CSPP1: variants seen among roughly 807,000 people sequenced by gnomAD.
The protein encoded by CSPP1 is centrosome and spindle pole-associated protein 1.
CSPP1 carries 126 observed loss-of-function variants against 164.4 expected under a neutral mutation model. That is an observed-to-expected ratio of 0.77 (90% CI 0.66 to 0.89). The LOEUF (loss-of-function observed/expected upper bound fraction) is 0.89, where lower values mean the gene tolerates loss of function less well. Among genes scored for constraint, CSPP1 ranks in the 40% least tolerant of loss-of-function variants. The pLI is 0.00. For synonymous variants in CSPP1, 472 were observed against 476.7 expected, an observed-to-expected ratio of 0.99 and a Z score of 0.13; for missense variants, 1,395 against 1,449.8, an observed-to-expected ratio of 0.96 and a Z score of 0.61.
At chr8:67,126,986 T>C (rs778798979) in intron 15 of CSPP1, among the ~76,000 whole-genome samples, 2 of 151,948 alleles carry the variant, frequency 1.3e-5, no homozygotes, top group Admixed American at 6.6e-5. Flanking sequence ...TTTTGGGGAA[T>C]TCCAGACCTA....
chr8:67,069,458 ATAAT>A (rs1450270681), intron 1 of CSPP1, among the ~76,000 whole-genome samples: 3 of 152,192 alleles, frequency 2.0e-5, no homozygotes, highest in Admixed American at 2.0e-4. Context: ...ATAATGTTAA[ATAAT>A]TACAGTAAAG....
At chr8:67,146,414 C>T (rs562418244) in intron 17 of CSPP1, among the ~76,000 whole-genome samples, 20 of 152,150 alleles carry the variant, frequency 1.3e-4, no homozygotes, top group African/African-American at 2.4e-4. Flanking sequence ...TGAGCCACTG[C>T]GCCCAGCTGG....
intron 30 of CSPP1, among the ~76,000 whole-genome samples, chr8:67,194,351 G>GTTAA (rs1432169032): frequency 6.6e-6 from 1 of 152,148 alleles, no homozygotes; most frequent in African/African-American, 2.4e-5. Context: ...TTAATACTGT[G>GTTAA]TTAATTTAAA....
At chr8:67,138,622 A>G (rs1822849496) in intron 17 of CSPP1, among the ~76,000 whole-genome samples, 1 of 152,028 alleles carries the variant, frequency 6.6e-6, no homozygotes. Flanking sequence ...TCAAAGATAC[A>G]CACTTCATGT....
At position 67,159,957 on chromosome 8, in the gene CSPP1, C is replaced by CTTTCT. The variant is rs758860786; in HGVS notation, c.2538+894_2538+898dup. Among the ~76,000 whole-genome samples, 40 of 20,002 alleles carry CTTTCT rather than the reference C, an allele frequency of 2.0e-3. 2 individuals carry two copies. The highest frequency in any genetic ancestry group is 2.7e-3 in the Non-Finnish European group (30 of 11,194). 13.1% of individuals were successfully genotyped at this position (20,002 alleles called of 152,430 possible). ...TCCTTCCTTCCTTCCTTCCTTCCTT[C>CTTTCT]TTTCTTTTCTTTTCTTTTCTTTTCT... On this transcript the variant is annotated intron_variant, in intron 21 of 30. Transcript: ENST00000678616.
chr8:67,115,970 A>C lies in CSPP1; in HGVS notation c.1344A>C (p.Pro448=). ...VAPRHFEEMI[P]PERPRIAFQT... is the part of the protein sequence containing the mutation. ...CAAGACACTTTGAAGAGATGATACCACCTGAAAGACCCAGAATAGCTTTCC... is the reference window on the plus strand; with the variant it reads ...CAAGACACTTTGAAGAGATGATACCCCCTGAAAGACCCAGAATAGCTTTCC... Residue 448 remains proline, a synonymous_variant, in exon 13 of 31, where the codon CCA becomes CCC. Transcript: ENST00000678616. 1 of 1,613,880 alleles carries C rather than the reference A, an allele frequency of 6.2e-7. No homozygotes were observed. Among genetic ancestry groups the C allele is most frequent in the Non-Finnish European group, 8.5e-7 (1 of 1,179,936 alleles).
Position 67,064,554 on chromosome 8 carries a change from G to T in CSPP1, c.-11+16G>T. 2 of 1,594,604 alleles carry T rather than the reference G, an allele frequency of 1.3e-6. No individual in the cohort carries two copies. The highest frequency in any genetic ancestry group is 1.3e-5 in the African/African-American group (1 of 74,916). ...GAGTGGCGAGGTGTGGCCTGGGGTG[G>T]TGTAGGTTGAGGGTGGAGGGTCCTG... On this transcript the variant is annotated intron_variant, in intron 1 of 30. Transcript: ENST00000678616.
At chr8:67,179,967 T>C in intron 28 of CSPP1, 41 bp downstream of exon 28, 2 of 1,163,162 alleles carry the variant, frequency 1.7e-6, no homozygotes, top group South Asian at 1.3e-5. Flanking sequence ...TGTTTAAATA[T>C]TAAACCTTTC....
In CSPP1 at chr8:67,193,506, A is replaced by C; in HGVS notation, c.3373A>C (p.Lys1125Gln). 6.2e-7 allele frequency: 1 copy of C among 1,613,460 alleles called. No homozygotes were observed. The highest frequency in any genetic ancestry group is 8.5e-7 in the Non-Finnish European group (1 of 1,179,334). Residue 1125 changes from lysine (K) to glutamine (Q), a missense_variant, in exon 30 of 31, where the codon AAA (lysine) becomes CAA (glutamine). By Grantham distance (53) the Lys-to-Gln change is moderately conservative (BLOSUM62 1). Transcript: ENST00000678616. ...TGTAGCACCAGATGGTCTCTCTCTAAAATCTATATCCAGTGTAAATGTTGA... is the reference window on the plus strand; with the variant it reads ...TGTAGCACCAGATGGTCTCTCTCTACAATCTATATCCAGTGTAAATGTTGA... ...PNVAPDGLSL[K>Q]SISSVNVDEL...
At chr8:67,103,839 CAAA>C (rs757419585) in intron 8 of CSPP1, among the ~76,000 whole-genome samples, 2,014 of 59,676 alleles carry the variant, frequency 0.034, 31 homozygotes, top group South Asian at 0.095. Flanking sequence ...GACTCCCTCT[CAAA>C]AAAAAAAAAA....
At chr8:67,096,929 T>A (rs189069119) in intron 7 of CSPP1, among the ~76,000 whole-genome samples, 1 of 152,296 alleles carries the variant, frequency 6.6e-6, no homozygotes, top group Non-Finnish European at 1.5e-5. Context: ...TTAAAATAGA[T>A]GAAATACAAT....
rs759406937 is a variant in CSPP1 at position 67,131,977 on chromosome 8, A to G, written c.1724A>G (p.Lys575Arg). ...AATACGGTTGGACAGAATGAACTGA[A>G]GATTACAAGTGATCAAGTGATAAAT... ...VVNTVGQNEL[K>R]ITSDQVINSG... is the part of the protein sequence containing the mutation. Residue 575 changes from lysine (K) to arginine (R), a missense_variant, in exon 16 of 31, where the codon AAG becomes AGG. Physicochemically the swap from Lys to Arg is conservative, Grantham distance 26. Transcript: ENST00000678616. The G allele has an allele frequency of 2.0e-5, 33 of 1,611,912 alleles. No homozygotes were observed. The highest frequency in any genetic ancestry group is 2.7e-5 in the Non-Finnish European group (32 of 1,178,884).
chr8:67,118,445 A>G, intron 14 of CSPP1, 76 bp downstream of exon 14: 1 of 1,441,948 alleles, frequency 6.9e-7, no homozygotes, highest in Non-Finnish European at 9.7e-7. Context: ...GTAAACAAAA[A>G]ATATCTAAAT....
intron 23 of CSPP1, among the ~76,000 whole-genome samples, 169 bp downstream of exon 23, chr8:67,163,967 A>C (rs780529095): frequency 1.3e-5 from 2 of 152,228 alleles, no homozygotes; most frequent in African/African-American, 2.4e-5. Context: ...GTATAGTCTC[A>C]TAGCCAGGAA....
chr8:67,107,040 ATGTTT>A (rs968995699), intron 9 of CSPP1, among the ~76,000 whole-genome samples: 1 of 148,762 alleles, frequency 6.7e-6, no homozygotes, highest in Non-Finnish European at 1.5e-5. Flanking sequence ...CTATATTCTT[ATGTTT>A]TGTTTTTTTT....
rs759877480 is a variant in CSPP1 at position 67,091,860 on chromosome 8, A to G, written c.361A>G (p.Ile121Val). The G allele has an allele frequency of 3.7e-6, 5 of 1,348,168 alleles. No homozygotes were observed. In the Admixed American group the frequency reaches 6.0e-5, roughly 16 times the overall value. 83.5% of individuals were successfully genotyped at this position (1,348,168 alleles called of 1,614,324 possible). Residue 121 changes from isoleucine (I) to valine (V), a missense_variant, in exon 5 of 31, where the codon ATT (isoleucine) becomes GTT (valine). Physicochemically the swap from Ile to Val is conservative, Grantham distance 29 (BLOSUM62 3). Transcript: ENST00000678616. The stretch of plus-strand genomic sequence containing the variant: ...ATCTACTTTGGGAGTTTCTCTTCCT[A>G]TTGGTGAGAGGTTATCTGCTAAGGT... ...DPSTLGVSLP[I>V]GERLSAKERL...
chr8:67,113,919 T>C (rs1384557375), intron 11 of CSPP1, 57 bp downstream of exon 11: 1 of 984,190 alleles, frequency 1.0e-6, no homozygotes, highest in Non-Finnish European at 1.6e-6. Flanking sequence ...TCCTCAAATG[T>C]GGTGGCAGGT....
At chr8:67,145,800 G>A (rs923109998) in intron 17 of CSPP1, among the ~76,000 whole-genome samples, 2 of 151,994 alleles carry the variant, frequency 1.3e-5, no homozygotes, top group Admixed American at 6.6e-5. Context: ...TGGGATTACA[G>A]GCATGAGCCA....
At position 67,158,540 on chromosome 8, in the gene CSPP1, C is replaced by G; in HGVS notation, c.2335C>G (p.Arg779Gly). 2 of 1,610,486 alleles carry G rather than the reference C, an allele frequency of 1.2e-6. No individual in the cohort carries two copies. Among genetic ancestry groups the G allele is most frequent in the Non-Finnish European group, 1.7e-6 (2 of 1,177,860 alleles). The change falls in exon 20 of 31, where the codon CGA becomes GGA. Residue 779 changes from arginine (R) to glycine (G), a missense_variant. Arg to Gly is a moderately radical substitution (Grantham distance 125, BLOSUM62 -2). Coordinates refer to ENST00000678616, the MANE Select transcript of CSPP1 (RefSeq NM_001382391.1). ...AAGACGGCTTGCAGAACAGAGGGCA[C>G]GAATTCAGCAGGAGTATGAAGAGGA... is the stretch of plus-strand genomic sequence containing the variant. ...EERRLAEQRA[R>G]IQQEYEEEQE... is the part of the protein sequence containing the mutation.
Sources: allele counts gnomAD v4.1 joint callset (sites outside exome capture counted in the v4.1 genomes callset), GRCh38; gene constraint gnomAD v4.1.1; transcripts MANE v1.5; gene names NCBI Gene and HGNC (gene_info 2026-07-23, HGNC 2026-07-21).